Variants in NTNG1 observed in about 807,000 individuals in gnomAD.
NTNG1 encodes the protein netrin G1, also known as netrin-G1.
Under a neutral mutation model 54.0 loss-of-function variants are expected in NTNG1, and 16 were observed. The observed-to-expected ratio is 0.30, with a 90% confidence interval of 0.20 to 0.45. NTNG1 has a LOEUF of 0.45. Among genes scored for constraint, NTNG1 ranks in the 20% least tolerant of loss-of-function variants. The pLI is 1.00. For missense variants in NTNG1, 530 were observed against 678.7 expected (o/e 0.78, Z 2.43); for synonymous variants, 255 against 263.1 (o/e 0.97, Z 0.30).
At chr1:107,283,400 A>C (rs1000450559) in intron 2 of NTNG1, among the ~76,000 whole-genome samples, 2 of 152,130 alleles carry the variant, frequency 1.3e-5, no homozygotes, top group African/African-American at 4.8e-5. Flanking sequence ...AGTCCTGCTA[A>C]ATTTCAACTT....
chr1:107,195,729 A>T, intron 2 of NTNG1, among the ~76,000 whole-genome samples: 1 of 151,960 alleles, frequency 6.6e-6, no homozygotes, highest in East Asian at 1.9e-4. Flanking sequence ...AGGTATGTTC[A>T]GGCCCTTGCA....
rs147069869 is a variant in NTNG1, at chr1:107,433,157, G to A, written c.1255+2240G>A. 5.9e-5 allele frequency among the ~76,000 whole-genome samples: 9 copies of A among 152,002 alleles called. No homozygotes were observed. The East Asian group carries it at 1.7e-3, about 29-fold the overall frequency. ...AACTTTTGGAAAATTCCATTTTATC[G>A]AGGTAAACCTGTTTCTATTTAGTAT... On this transcript the variant is annotated intron_variant, in intron 6 of 7. Coordinates refer to ENST00000370068, the MANE Select transcript of NTNG1 (RefSeq NM_001113226.3).
chr1:107,366,047 A>G (rs946678523), intron 3 of NTNG1, among the ~76,000 whole-genome samples: 2 of 152,210 alleles, frequency 1.3e-5, no homozygotes, highest in Non-Finnish European at 2.9e-5. Flanking sequence ...GTTTCATGCA[A>G]CAATAGCAGT....
chr1:107,299,114 A>G (rs1371542283), intron 2 of NTNG1, among the ~76,000 whole-genome samples: 1 of 152,190 alleles, frequency 6.6e-6, no homozygotes, highest in Non-Finnish European at 1.5e-5. Flanking sequence ...GAGAAAGCAA[A>G]AGGAGATAAT....
chr1:107,141,752 T>A (rs1019417089), intron 1 of NTNG1, among the ~76,000 whole-genome samples: 1 of 151,606 alleles, frequency 6.6e-6, no homozygotes, highest in Admixed American at 6.6e-5. Context: ...AGGCGTGGGG[T>A]CTGAGCCTCC....
At chr1:107,470,707 AC>A (rs2101581840) in intron 7 of NTNG1, among the ~76,000 whole-genome samples, 1 of 152,174 alleles carries the variant, frequency 6.6e-6, no homozygotes, top group East Asian at 1.9e-4. Context: ...ATTAAACTAG[AC>A]AAGTGCATTT....
At chr1:107,274,614 G>A (rs1664348642) in intron 2 of NTNG1, among the ~76,000 whole-genome samples, 2 of 152,164 alleles carry the variant, frequency 1.3e-5, no homozygotes, top group Non-Finnish European at 2.9e-5. Flanking sequence ...TTGTCCAGAT[G>A]AAGAGAATGT....
intron 2 of NTNG1, among the ~76,000 whole-genome samples, chr1:107,313,307 C>T (rs935873991): frequency 2.6e-5 from 4 of 152,116 alleles, no homozygotes; most frequent in African/African-American, 9.7e-5. Flanking sequence ...GTGATACCTG[C>T]CTCGTTTGGA....
At chr1:107,480,573 C>CCCCCCCCCCCCCCCCCCCCCA in intron 7 of NTNG1, 38 bp from the exon 8 acceptor site, 1 of 559,904 alleles carries the variant, frequency 1.8e-6, no homozygotes, top group Non-Finnish European at 3.4e-6. Context: ...TTCTCCTCCC[C>CCCCCCCCCCCCCCCCCCCCCA]GCGCCCACCC....
chr1:107,237,658 C>G (rs1257872285), intron 2 of NTNG1, among the ~76,000 whole-genome samples: 4 of 152,074 alleles, frequency 2.6e-5, no homozygotes, highest in Admixed American at 6.5e-5. Context: ...GCCCTGTGTT[C>G]CAGCTACCCC....
At chr1:107,145,317 T>C (rs1654025008) in intron 1 of NTNG1, among the ~76,000 whole-genome samples, 1 of 152,084 alleles carries the variant, frequency 6.6e-6, no homozygotes. Flanking sequence ...TGCTTTTCCA[T>C]TGTGTGTCAT....
chr1:107,323,377 G>GT (rs1283662651), intron 2 of NTNG1, among the ~76,000 whole-genome samples: 4 of 152,110 alleles, frequency 2.6e-5, no homozygotes, highest in Admixed American at 2.6e-4. Context: ...GTTGTAACTT[G>GT]TAATATAACT....
chr1:107,270,566 G>A (rs1469574294), intron 2 of NTNG1, among the ~76,000 whole-genome samples: 1 of 152,034 alleles, frequency 6.6e-6, no homozygotes, highest in Non-Finnish European at 1.5e-5. Flanking sequence ...TTATTAATGG[G>A]TTCTCTTATG....
rs560824243 is a variant in NTNG1, at chr1:107,353,782, TG to T, written c.887+28861del. ...AAAGAAAAGAGATTTAACTGGCTTA[TG>T]TTTCCACAGGCTGTACAGGAAGCAT... On this transcript the variant is annotated intron_variant, in intron 3 of 7. Transcript: ENST00000370068. 1.7e-4 allele frequency among the ~76,000 whole-genome samples: 26 copies of T among 152,344 alleles called. No individual in the cohort carries two copies. The East Asian group carries it at 5.0e-3, about 29-fold the overall frequency.
intron 3 of NTNG1, among the ~76,000 whole-genome samples, chr1:107,362,465 C>T (rs910214763): frequency 6.6e-6 from 1 of 152,224 alleles, no homozygotes; most frequent in African/African-American, 2.4e-5. Flanking sequence ...TTAATTTTCA[C>T]TGTGGCCTCC....
In NTNG1 at chr1:107,480,592, C is replaced by A; in HGVS notation, c.1391-19C>A. The A allele has an allele frequency of 5.1e-6, 4 of 779,624 alleles. No homozygotes were observed. The highest frequency in any genetic ancestry group is 3.9e-6 in the Non-Finnish European group (2 of 512,770). 48.3% of individuals were successfully genotyped at this position (779,624 alleles called of 1,614,324 possible). A position where few individuals can be genotyped will look rare whatever the true frequency, so the allele number is the denominator to read the frequency against. On this transcript the variant is annotated intron_variant, in intron 7 of 7. Coordinates refer to ENST00000370068, the MANE Select transcript of NTNG1 (RefSeq NM_001113226.3). Reference sequence around the variant, plus strand: ...CCTCCCCGCGCCCACCCACCCCTACCTTCCCCCTCATTCTGCAGCGAATGT... The same window carrying A: ...CCTCCCCGCGCCCACCCACCCCTACATTCCCCCTCATTCTGCAGCGAATGT...
chr1:107,366,259 G>A (rs566141846), intron 3 of NTNG1, among the ~76,000 whole-genome samples: 74 of 152,278 alleles, frequency 4.9e-4, no homozygotes, highest in Non-Finnish European at 9.6e-4. Context: ...AAAAGAGCAC[G>A]ACACCAGCTG....
chr1:107,200,777 G>A (rs1383762898), intron 2 of NTNG1, among the ~76,000 whole-genome samples: 1 of 151,708 alleles, frequency 6.6e-6, no homozygotes, highest in South Asian at 2.1e-4. Context: ...ACTCTCCATA[G>A]TGACTTTTTA....
chr1:107,304,516 C>A (rs1458328968), intron 2 of NTNG1, among the ~76,000 whole-genome samples: 1 of 152,160 alleles, frequency 6.6e-6, no homozygotes, highest in Non-Finnish European at 1.5e-5. Flanking sequence ...CCATTTTCTA[C>A]CCCTTCTAAA....
Sources: allele counts gnomAD v4.1 joint callset (sites outside exome capture counted in the v4.1 genomes callset), GRCh38; gene constraint gnomAD v4.1.1; transcripts MANE v1.5; gene names NCBI Gene and HGNC (gene_info 2026-07-23, HGNC 2026-07-21).